ARL5B: variants seen among roughly 807,000 people sequenced by gnomAD.
The protein encoded by ARL5B is ARF like GTPase 5B.
A neutral mutation model predicts 26.9 loss-of-function variants in ARL5B; 10 were observed. The observed-to-expected ratio is 0.37, with a 90% CI of 0.23 to 0.63. The LOEUF (loss-of-function observed/expected upper bound fraction) is 0.63, where lower values mean the gene tolerates loss of function less well. Among genes scored for constraint, ARL5B ranks in the 30% least tolerant of loss-of-function variants. ARL5B has a pLI of 0.62. For missense variants in ARL5B, 167 were observed against 213.9 expected, an observed-to-expected ratio of 0.78 and a Z score of 1.37; for synonymous variants, 87 against 70.4, an observed-to-expected ratio of 1.24 and a Z score of -1.18.
intron 1 of ARL5B, among the ~76,000 whole-genome samples, chr10:18,663,681 T>C (rs1029230174): frequency 7.3e-5 from 11 of 151,004 alleles, no homozygotes; most frequent in Non-Finnish European, 1.6e-4. Flanking sequence ...CCCAAGTAGC[T>C]GGGACTACAG....
chr10:18,673,113 A>T (rs1248719681), intron 4 of ARL5B, among the ~76,000 whole-genome samples: 1 of 151,568 alleles, frequency 6.6e-6, no homozygotes, highest in Admixed American at 6.6e-5. Flanking sequence ...CCCAGGCTGG[A>T]GTACCGTGGC....
At chr10:18,670,848 T>C (rs2059883940) in intron 3 of ARL5B, among the ~76,000 whole-genome samples, 1 of 152,186 alleles carries the variant, frequency 6.6e-6, no homozygotes. Flanking sequence ...CAGAAAGAGA[T>C]ATCCATTACT....
Position 18,674,777 on chromosome 10 carries a change from GCCTTTTTGA to G in ARL5B, c.492-389_492-381del, listed in dbSNP as rs535783962. On this transcript the variant is annotated intron_variant, in intron 5 of 5. Coordinates refer to ENST00000377275, the MANE Select transcript of ARL5B (RefSeq NM_178815.5). Reference sequence around the variant, plus strand: ...AGCTTGCAGTAATAGCTGTGTGTAGGCCTTTTTGACTCATACTTTTAAGACTGAGTCTAA... The same window carrying G: ...AGCTTGCAGTAATAGCTGTGTGTAGGCTCATACTTTTAAGACTGAGTCTAA... Among the ~76,000 whole-genome samples the G allele has an allele frequency of 2.0e-5, 3 of 152,160 alleles. No homozygotes were observed. In the South Asian group the frequency reaches 6.2e-4, roughly 32 times the overall value.
At chr10:18,668,728 A>G (rs375218702) in intron 3 of ARL5B, 51 bp downstream of exon 3, 308 of 1,571,700 alleles carry the variant, frequency 2.0e-4, no homozygotes, top group Non-Finnish European at 2.3e-4. Flanking sequence ...TAGAGTAAAC[A>G]TAGAAAGTAA....
At chr10:18,663,770 G>A (rs1041487447) in intron 1 of ARL5B, among the ~76,000 whole-genome samples, 26 of 151,178 alleles carry the variant, frequency 1.7e-4, no homozygotes, top group African/African-American at 5.4e-4. Flanking sequence ...GGATGGTCTC[G>A]ATCTCCTGAC....
At chr10:18,667,869 C>T (rs2059868671) in intron 2 of ARL5B, among the ~76,000 whole-genome samples, 1 of 152,068 alleles carries the variant, frequency 6.6e-6, no homozygotes, top group Non-Finnish European at 1.5e-5. Context: ...CGCCCACCAC[C>T]ACGCCCTGCA....
Position 18,659,511 on chromosome 10 carries a change from A to C in ARL5B, c.-127A>C. On this transcript the variant is annotated 5_prime_UTR_variant, in exon 1 of 6. Coordinates refer to ENST00000377275, the MANE Select transcript of ARL5B (RefSeq NM_178815.5). ...TGGTCGGGTCGAGGCTTCTCGGCCT[A>C]GCAGTGCCCTCGCTGCGCGATCTCA... is the stretch of plus-strand genomic sequence containing the variant. The C allele has an allele frequency of 8.1e-7, 1 of 1,233,844 alleles. No homozygotes were observed. Among genetic ancestry groups the C allele is most frequent in the Non-Finnish European group, 1.1e-6 (1 of 918,620 alleles). 76.4% of individuals were successfully genotyped at this position (1,233,844 alleles called of 1,614,324 possible).
rs1488135862 is a variant in ARL5B, at chr10:18,678,085, A to G, written c.*2869A>G. 6.6e-6 allele frequency: 1 copy of G among 151,778 alleles called. No individual in the cohort carries two copies. The highest frequency in any genetic ancestry group is 6.6e-5 in the Admixed American group (1 of 15,226). The allele number at this position is 151,778 out of a possible 1,614,324, so 9.4% of individuals were successfully genotyped here. ...TGAAGCCCATTTGAGAACTCTTAGA[A>G]TTAATAGAACCTTTTATAAGGGAAT... is the stretch of plus-strand genomic sequence containing the variant. On this transcript the variant is annotated 3_prime_UTR_variant, in exon 6 of 6. Transcript: ENST00000377275.
rs10645351 is a variant in ARL5B, at chr10:18,663,546, C to CTTTTT, written c.47-3013_47-3009dup. On this transcript the variant is annotated intron_variant, in intron 1 of 5. Coordinates refer to ENST00000377275, the MANE Select transcript of ARL5B (RefSeq NM_178815.5). ...ATTTCTCTCTTTAGCTTATTCTGCT[C>CTTTTT]TTTTTTTTTTTTTTTTTTTTGAGAT... Among the ~76,000 whole-genome samples, 182 of 97,932 alleles carry CTTTTT rather than the reference C, an allele frequency of 1.9e-3. 3 individuals carry two copies. Among genetic ancestry groups the CTTTTT allele is most frequent in the East Asian group, 2.5e-3 (8 of 3,156 alleles). The allele number at this position is 97,932 out of a possible 152,430, so 64.2% of individuals were successfully genotyped here.
rs2059908740 is a variant in ARL5B, at chr10:18,675,966, T to C, written c.*750T>C. ...TTGATGTTAAATATTCTTGAATAAA[T>C]CTGTTATTTTAAGAATATCACATTA... On this transcript the variant is annotated 3_prime_UTR_variant, in exon 6 of 6. Transcript: ENST00000377275. The C allele has an allele frequency of 6.6e-6, 1 of 152,094 alleles. No homozygotes were observed. The highest frequency in any genetic ancestry group is 6.6e-5 in the Admixed American group (1 of 15,266). The allele number at this position is 152,094 out of a possible 1,614,324, so 9.4% of individuals were successfully genotyped here. A position where few individuals can be genotyped will look rare whatever the true frequency, so the allele number is the denominator to read the frequency against.
intron 4 of ARL5B, 61 bp downstream of exon 4, chr10:18,672,766 G>A (rs766833693): frequency 2.7e-5 from 32 of 1,201,650 alleles, no homozygotes; most frequent in Non-Finnish European, 3.7e-5. Flanking sequence ...CGTTGCCTTT[G>A]CTTTTTTGCA....
rs189475083 is a variant in ARL5B at position 18,679,419 on chromosome 10, A to G, written c.*4203A>G. 1.6e-4 allele frequency: 24 copies of G among 152,052 alleles called. No homozygotes were observed. Among genetic ancestry groups the G allele is most frequent in the African/African-American group, 4.8e-4 (20 of 41,560 alleles). 9.4% of individuals were successfully genotyped at this position (152,052 alleles called of 1,614,324 possible). The stretch of plus-strand genomic sequence containing the variant: ...TTAGTAGCCAGGTTGTCAGTCTTTT[A>G]CAAATGTCTACATAAATGTCTACAT... On this transcript the variant is annotated 3_prime_UTR_variant, in exon 6 of 6. Transcript: ENST00000377275.
intron 1 of ARL5B, 67 bp from the exon 2 acceptor site, chr10:18,666,508 T>G (rs1426939876): frequency 7.8e-7 from 1 of 1,290,232 alleles, no homozygotes; most frequent in African/African-American, 1.5e-5. Context: ...TAATAATCAT[T>G]GTTGAAAGCA....
In ARL5B at chr10:18,668,644, A is replaced by T; in HGVS notation, c.222A>T (p.Arg74=). 1 of 1,614,172 alleles carries T rather than the reference A, an allele frequency of 6.2e-7. No homozygotes were observed. The highest frequency in any genetic ancestry group is 8.5e-7 in the Non-Finnish European group (1 of 1,180,032). The change falls in exon 3 of 6, where the codon CGA becomes CGT. Residue 74 remains arginine (R), a synonymous_variant. Transcript: ENST00000377275. Reference sequence around the variant, plus strand: ...ATATTGGTGGTCAGGAGTCTCTGCGATCATCCTGGAACACATATTACTCAA... The same window carrying T: ...ATATTGGTGGTCAGGAGTCTCTGCGTTCATCCTGGAACACATATTACTCAA... ...MWDIGGQESL[R]SSWNTYYSNT...
chr10:18,678,834 C>A lies in ARL5B; in HGVS notation c.*3618C>A, dbSNP rs1204725978. On this transcript the variant is annotated 3_prime_UTR_variant, in exon 6 of 6. Coordinates refer to ENST00000377275, the MANE Select transcript of ARL5B (RefSeq NM_178815.5). ...GCCATCTAAAAAAGTGGATTTGAGC[C>A]TTAATTTGGCCGTTTCTCAATTGTC... 6.6e-6 allele frequency: 1 copy of A among 151,696 alleles called. No homozygotes were observed. The highest frequency in any genetic ancestry group is 1.5e-5 in the Non-Finnish European group (1 of 67,742). 9.4% of individuals were successfully genotyped at this position (151,696 alleles called of 1,614,324 possible).
chr10:18,679,227 T>G lies in ARL5B; in HGVS notation c.*4011T>G, dbSNP rs1038220112. 47 of 152,010 alleles carry G rather than the reference T, an allele frequency of 3.1e-4. No homozygotes were observed. The highest frequency in any genetic ancestry group is 1.1e-3 in the African/African-American group (47 of 41,556). 9.4% of individuals were successfully genotyped at this position (152,010 alleles called of 1,614,324 possible). A position where few individuals can be genotyped will look rare whatever the true frequency, so the allele number is the denominator to read the frequency against. ...GCTAAGAAAAGGATAGTAAGCTGCT[T>G]AGAAAGAACCAGCCTGTGTTGGAAA... On this transcript the variant is annotated 3_prime_UTR_variant, in exon 6 of 6. Transcript: ENST00000377275.
At position 18,678,093 on chromosome 10, in the gene ARL5B, A is replaced by T. The variant is rs1287199286; in HGVS notation, c.*2877A>T. The T allele has an allele frequency of 1.3e-5, 2 of 151,792 alleles. No individual in the cohort carries two copies. Among genetic ancestry groups the T allele is most frequent in the Non-Finnish European group, 3.0e-5 (2 of 67,760 alleles). The allele number at this position is 151,792 out of a possible 1,614,324, so 9.4% of individuals were successfully genotyped here. A position where few individuals can be genotyped will look rare whatever the true frequency, so the allele number is the denominator to read the frequency against. ...ATTTGAGAACTCTTAGAATTAATAG[A>T]ACCTTTTATAAGGGAATATATGGAA... is the stretch of plus-strand genomic sequence containing the variant. On this transcript the variant is annotated 3_prime_UTR_variant, in exon 6 of 6. Transcript: ENST00000377275.
intron 1 of ARL5B, among the ~76,000 whole-genome samples, chr10:18,663,375 T>C (rs1185191442): frequency 6.6e-6 from 1 of 152,200 alleles, no homozygotes; most frequent in African/African-American, 2.4e-5. Context: ...TTCAGAACCA[T>C]GTAACAGTAA....
intron 1 of ARL5B, among the ~76,000 whole-genome samples, chr10:18,662,207 T>A (rs939672857): frequency 1.3e-4 from 20 of 152,242 alleles, no homozygotes; most frequent in African/African-American, 4.6e-4. Flanking sequence ...TGAAGAGGCC[T>A]GGGCATCACT....
Sources: allele counts gnomAD v4.1 joint callset (sites outside exome capture counted in the v4.1 genomes callset), GRCh38; gene constraint gnomAD v4.1.1; transcripts MANE v1.5; gene names NCBI Gene and HGNC (gene_info 2026-07-23, HGNC 2026-07-21).